Variants in HECW1 observed in about 807,000 individuals in gnomAD.
HECW1 encodes the protein E3 ubiquitin-protein ligase HECW1.
A neutral mutation model predicts 182.3 loss-of-function variants in HECW1; 61 were observed. The ratio of observed to expected loss-of-function variants is 0.33; its 90% CI spans 0.27 to 0.41. HECW1 has a LOEUF of 0.41. HECW1 is among the 10% of genes least tolerant of loss of function. The pLI is 1.00. For synonymous variants in HECW1, 859 were observed against 832.6 expected, an observed-to-expected ratio of 1.03 and a Z score of -0.55; for missense variants, 1,739 against 2,108.9, an observed-to-expected ratio of 0.82 and a Z score of 3.44.
At chr7:43,385,555 C>T (rs894624787) in intron 6 of HECW1, among the ~76,000 whole-genome samples, 2 of 151,740 alleles carry the variant, frequency 1.3e-5, no homozygotes, top group African/African-American at 2.4e-5. Context: ...ATGGCAGAGC[C>T]GTCCCTCAGA....
At chr7:43,449,446 C>A (rs28479941) in intron 11 of HECW1, among the ~76,000 whole-genome samples, 10,179 of 152,226 alleles carry the variant, frequency 0.067, 652 homozygotes, top group African/African-American at 0.17. Context: ...ATATATCTCT[C>A]CTTCTGTTTG....
chr7:43,535,626 A>G (rs2081152833), intron 24 of HECW1, among the ~76,000 whole-genome samples: 1 of 152,212 alleles, frequency 6.6e-6, no homozygotes, highest in African/African-American at 2.4e-5. Context: ...GAGCATTCCT[A>G]AAAAGAAATA....
intron 16 of HECW1, among the ~76,000 whole-genome samples, chr7:43,476,120 A>G (rs1193066022): frequency 6.6e-6 from 1 of 152,240 alleles, no homozygotes; most frequent in Non-Finnish European, 1.5e-5. Flanking sequence ...CATGATTTGC[A>G]ATTAAAAATC....
rs73314738 is a variant in HECW1 at position 43,169,890 on chromosome 7, C to T, written c.-32+55499C>T. 8.8e-3 allele frequency among the ~76,000 whole-genome samples: 1,344 copies of T among 152,242 alleles called. 30 individuals carry two copies. Among genetic ancestry groups the T allele is most frequent in the African/African-American group, 0.031 (1,286 of 41,538 alleles). On this transcript the variant is annotated intron_variant, in intron 2 of 29. Transcript: ENST00000395891. ...CCACCCCCAGGAGACAATCCCCTAC[C>T]TGGTGAGGCTGATTGATTTTGAGCC... is the stretch of plus-strand genomic sequence containing the variant.
At chr7:43,467,278 C>T (rs772313757) in intron 15 of HECW1, among the ~76,000 whole-genome samples, 18 of 151,918 alleles carry the variant, frequency 1.2e-4, no homozygotes, top group Non-Finnish European at 1.8e-4. Context: ...GCTCTGGGGG[C>T]GCCAGGGAGC....
At chr7:43,187,942 A>G (rs961220911) in intron 2 of HECW1, among the ~76,000 whole-genome samples, 2 of 152,192 alleles carry the variant, frequency 1.3e-5, no homozygotes, top group African/African-American at 4.8e-5. Flanking sequence ...CAGGCACTAA[A>G]TGGCTGAATG....
In HECW1 at chr7:43,432,930, G is replaced by A. The variant is rs79413573; in HGVS notation, c.802-5073G>A. Reference sequence around the variant, plus strand: ...CTTAGTTCTATAAATGGCCTATTGAGTAAACAACACAAACAAAATAAATAA... The same window carrying A: ...CTTAGTTCTATAAATGGCCTATTGAATAAACAACACAAACAAAATAAATAA... On this transcript the variant is annotated intron_variant, in intron 8 of 29. Coordinates refer to ENST00000395891, the MANE Select transcript of HECW1 (RefSeq NM_015052.5). This position sits in a 1 kb window ranked among gnomAD's most constrained non-coding sequence, Gnocchi z 4.1. Among the ~76,000 whole-genome samples the A allele has an allele frequency of 2.4e-3, 369 of 152,296 alleles. 6 individuals are homozygous for A. In the East Asian group the frequency reaches 0.055, roughly 23 times the overall value.
intron 17 of HECW1, among the ~76,000 whole-genome samples, chr7:43,480,471 A>G (rs1179961800): frequency 6.6e-6 from 1 of 152,010 alleles, no homozygotes; most frequent in African/African-American, 2.4e-5. Context: ...TTTTGTGGAA[A>G]CCACCAGGAC....
At chr7:43,304,073 T>G (rs2152765179) in intron 3 of HECW1, among the ~76,000 whole-genome samples, 1 of 152,276 alleles carries the variant, frequency 6.6e-6, no homozygotes, top group South Asian at 2.1e-4. Context: ...TCAGAGGAAA[T>G]GCGTGGGCTG....
intron 19 of HECW1, among the ~76,000 whole-genome samples, chr7:43,498,750 G>A (rs1429600680): frequency 1.3e-5 from 2 of 152,014 alleles, no homozygotes; most frequent in South Asian, 2.1e-4. Flanking sequence ...TGCTTCACCC[G>A]CACTGAAGTT....
At chr7:43,229,728 G>T (rs1797724859) in intron 2 of HECW1, among the ~76,000 whole-genome samples, 1 of 152,176 alleles carries the variant, frequency 6.6e-6, no homozygotes, top group Admixed American at 6.5e-5. Context: ...GTGAAATTTT[G>T]AGAAGTAACA....
At chr7:43,323,289 T>C (rs865806395) in intron 5 of HECW1, among the ~76,000 whole-genome samples, 1 of 152,196 alleles carries the variant, frequency 6.6e-6, no homozygotes, top group Non-Finnish European at 1.5e-5. Flanking sequence ...AAACACACTT[T>C]AAGTATTATT....
chr7:43,368,807 A>C (rs1363310280), intron 6 of HECW1, among the ~76,000 whole-genome samples: 1 of 152,090 alleles, frequency 6.6e-6, no homozygotes, highest in East Asian at 1.9e-4. Context: ...GGTGGTTTAC[A>C]TCCTTCCTGT....
intron 24 of HECW1, among the ~76,000 whole-genome samples, chr7:43,513,696 T>C (rs768570685): frequency 6.6e-6 from 1 of 152,180 alleles, no homozygotes; most frequent in Non-Finnish European, 1.5e-5. Context: ...TTTTTTGTTT[T>C]TTGCTTTTGG....
chr7:43,491,081 C>T (rs1435157566), intron 17 of HECW1, among the ~76,000 whole-genome samples: 1 of 152,150 alleles, frequency 6.6e-6, no homozygotes, highest in Non-Finnish European at 1.5e-5. Context: ...TAAAGTTAAT[C>T]ATCACAAGTA....
chr7:43,349,743 T>C (rs1015787576), intron 5 of HECW1, among the ~76,000 whole-genome samples: 1 of 152,222 alleles, frequency 6.6e-6, no homozygotes, highest in Non-Finnish European at 1.5e-5. Context: ...ATGTGAGTCC[T>C]TATGTGTTAG....
At chr7:43,226,963 G>C (rs974322166) in intron 2 of HECW1, among the ~76,000 whole-genome samples, 2 of 152,188 alleles carry the variant, frequency 1.3e-5, no homozygotes, top group Non-Finnish European at 2.9e-5. Context: ...ACAACGTCAT[G>C]AAAACTGCCT....
At chr7:43,171,453 T>G (rs758437879) in intron 2 of HECW1, among the ~76,000 whole-genome samples, 1 of 152,172 alleles carries the variant, frequency 6.6e-6, no homozygotes, top group South Asian at 2.1e-4. Context: ...GCATCACACT[T>G]TTGGTCAGCC....
At position 43,445,562 on chromosome 7, in the gene HECW1, G is replaced by A. The variant is rs777676600; in HGVS notation, c.2390G>A (p.Arg797Gln). ...TCCCCCGTGGCAGGTCCAAGCAATCGGAGAGAAGGTTAGACCTCAAACCTG... is the reference window on the plus strand; with the variant it reads ...TCCCCCGTGGCAGGTCCAAGCAATCAGAGAGAAGGTTAGACCTCAAACCTG... ...LESPVAGPSN[R>Q]REGECPILHN... The change falls in exon 11 of 30, where the codon CGG becomes CAG. Residue 797 changes from arginine (R) to glutamine (Q), a missense_variant. Coordinates refer to ENST00000395891, the MANE Select transcript of HECW1 (RefSeq NM_015052.5). 3 of 1,586,598 alleles carry A rather than the reference G, an allele frequency of 1.9e-6. No individual in the cohort carries two copies. Among genetic ancestry groups the A allele is most frequent in the South Asian group, 1.1e-5 (1 of 88,862 alleles).
Sources: gnomAD v4.1 joint callset for allele counts (sites outside exome capture counted in the v4.1 genomes callset) on GRCh38, gnomAD v4.1.1 for gene constraint, Gnocchi (gnomAD v3.1) non-coding constraint, MANE v1.5 for transcripts, NCBI Gene and HGNC (gene_info 2026-07-23, HGNC 2026-07-21) for gene names.